Variants in ZNF707 observed in about 807,000 individuals in gnomAD.
ZNF707 encodes the protein zinc finger protein 707.
Under a neutral mutation model 13.3 loss-of-function variants are expected in ZNF707, and 8 were observed. The ratio of observed to expected loss-of-function variants is 0.60; its 90% CI spans 0.35 to 1.09. The LOEUF is 1.09. ZNF707 is among the 50% of genes least tolerant of loss of function. ZNF707 has a pLI of 0.02. For synonymous variants in ZNF707, 225 were observed against 205.6 expected (o/e 1.09, Z -0.81); for missense variants, 530 against 512.6 (o/e 1.03, Z -0.33).
intron 1 of ZNF707, among the ~76,000 whole-genome samples, chr8:143,686,492 A>G (rs1399861072): frequency 6.6e-6 from 1 of 152,206 alleles, no homozygotes; most frequent in Admixed American, 6.5e-5. Flanking sequence ...ATGTTTTTAT[A>G]GACCGTTGTA....
At position 143,694,212 on chromosome 8, in the gene ZNF707, G is replaced by A; in HGVS notation, c.798G>A (p.Gly266=). The A allele has an allele frequency of 4.4e-6, 7 of 1,580,178 alleles. No individual in the cohort carries two copies. The highest frequency in any genetic ancestry group is 6.0e-6 in the Non-Finnish European group (7 of 1,163,730). Reference sequence around the variant, plus strand: ...GGCCCTACTCGTGTGGCGACTGTGGGAAAGCCTTCAAGCAGAAGTCCAACC... The same window carrying A: ...GGCCCTACTCGTGTGGCGACTGTGGAAAAGCCTTCAAGCAGAAGTCCAACC... The part of the protein sequence containing the change: ...EHRPYSCGDC[G]KAFKQKSNLL... The change falls in exon 6 of 6, where the codon GGG becomes GGA. Residue 266 remains glycine (G), a synonymous_variant. Coordinates refer to ENST00000358656, the MANE Select transcript of ZNF707 (RefSeq NM_001100598.2). This position sits in a 1 kb window ranked among gnomAD's most constrained non-coding sequence, Gnocchi z 4.4.
At chr8:143,690,664 C>T (rs565766748) in intron 3 of ZNF707, among the ~76,000 whole-genome samples, 2 of 152,324 alleles carry the variant, frequency 1.3e-5, no homozygotes, top group South Asian at 2.1e-4. Flanking sequence ...CTAGAGCTAC[C>T]GTAACCAAAC....
intron 5 of ZNF707, chr8:143,692,231 A>G (rs1267659894): frequency 3.9e-6 from 5 of 1,290,502 alleles, no homozygotes; most frequent in Non-Finnish European, 5.1e-6. Flanking sequence ...TTTGCTTTTT[A>G]CTTACATTTT....
In ZNF707 at chr8:143,694,955, G is replaced by A. The variant is rs554138157; in HGVS notation, c.*425G>A. On this transcript the variant is annotated 3_prime_UTR_variant, in exon 6 of 6. Coordinates refer to ENST00000358656, the MANE Select transcript of ZNF707 (RefSeq NM_001100598.2). The surrounding 1 kb of genome is among the most constrained non-coding windows in gnomAD (Gnocchi z 4.4). Reference sequence around the variant, plus strand: ...GCTCTGCACCCCATGCTGGCTGCCCGGTCTGGCTTCCCTTCTTGTCTCTGT... The same window carrying A: ...GCTCTGCACCCCATGCTGGCTGCCCAGTCTGGCTTCCCTTCTTGTCTCTGT... 95 of 182,150 alleles carry A rather than the reference G, an allele frequency of 5.2e-4. No homozygotes were observed. Among genetic ancestry groups the A allele is most frequent in the African/African-American group, 1.9e-3 (82 of 42,486 alleles). The allele number at this position is 182,150 out of a possible 1,614,324, so 11.3% of individuals were successfully genotyped here. A position where few individuals can be genotyped will look rare whatever the true frequency, so the allele number is the denominator to read the frequency against.
At position 143,693,902 on chromosome 8, in the gene ZNF707, G is replaced by T. The variant is rs552088858; in HGVS notation, c.488G>T (p.Arg163Leu). The T allele has an allele frequency of 3.4e-4, 553 of 1,605,080 alleles. 8 individuals carry two copies. In the South Asian group the frequency reaches 5.7e-3, roughly 17 times the overall value. The stretch of plus-strand genomic sequence containing the variant: ...CAGCGTTGTGGGCGGCGGCCGGGCC[G>T]CAGAGAGCGCCGGAAGCAGCGCGCA... ...LTQRCGRRPG[R>L]RERRKQRAVE... Residue 163 changes from arginine to leucine, a missense_variant, in exon 6 of 6, where the codon CGC becomes CTC. Physicochemically the swap from Arg to Leu is moderately radical, Grantham distance 102. Coordinates refer to ENST00000358656, the MANE Select transcript of ZNF707 (RefSeq NM_001100598.2). This position sits in a 1 kb window ranked among gnomAD's most constrained non-coding sequence, Gnocchi z 4.1.
rs1188132399 is a variant in ZNF707 at position 143,693,333 on chromosome 8, T to C, written c.257-338T>C. On this transcript the variant is annotated intron_variant, in intron 5 of 5. Coordinates refer to ENST00000358656, the MANE Select transcript of ZNF707 (RefSeq NM_001100598.2). This position sits in a 1 kb window ranked among gnomAD's most constrained non-coding sequence, Gnocchi z 4.1. ...TCTCGCTCTGTCGCCCAGGCTGGAC[T>C]GCGGACTGCAGTGGCGCAATCTCGG... 1.9e-4 allele frequency among the ~76,000 whole-genome samples: 29 copies of C among 151,532 alleles called. No homozygotes were observed. Among genetic ancestry groups the C allele is most frequent in the African/African-American group, 7.0e-4 (29 of 41,308 alleles).
intron 2 of ZNF707, among the ~76,000 whole-genome samples, 194 bp downstream of exon 2, chr8:143,689,495 C>G (rs1007206798): frequency 1.3e-5 from 2 of 152,062 alleles, no homozygotes; most frequent in African/African-American, 4.8e-5. Flanking sequence ...TCTCAGCGGG[C>G]TGGGGCCCTA....
rs782568003 is a variant in ZNF707 at position 143,693,653 on chromosome 8, T to C, written c.257-18T>C. ...GTGGGCCACTGGCTCTGTGTAAGGG[T>C]GTCTGTTCCTTCCACAGGGGCAAGG... is the stretch of plus-strand genomic sequence containing the variant. On this transcript the variant is annotated intron_variant, in intron 5 of 5. Transcript: ENST00000358656. This position sits in a 1 kb window ranked among gnomAD's most constrained non-coding sequence, Gnocchi z 4.1. 1 of 1,554,882 alleles carries C rather than the reference T, an allele frequency of 6.4e-7. No homozygotes were observed. The highest frequency in any genetic ancestry group is 1.4e-5 in the African/African-American group (1 of 73,366).
chr8:143,686,263 G>A (rs983430736), intron 1 of ZNF707, among the ~76,000 whole-genome samples: 10 of 151,540 alleles, frequency 6.6e-5, no homozygotes, highest in African/African-American at 2.4e-4. Flanking sequence ...GTAGAGATGG[G>A]GTTTCACCAT....
At chr8:143,692,177 C>T (rs979158307) in intron 5 of ZNF707, 10 of 1,294,702 alleles carry the variant, frequency 7.7e-6, no homozygotes, top group Middle Eastern at 2.1e-4. Flanking sequence ...CCATGCTTCC[C>T]TCCATTAGGT....
chr8:143,690,049 C>T lies in ZNF707; in HGVS notation c.-52-8C>T. The T allele has an allele frequency of 6.2e-7, 1 of 1,606,772 alleles. No homozygotes were observed. Among genetic ancestry groups the T allele is most frequent in the South Asian group, 1.1e-5 (1 of 90,956 alleles). ...GGCTATACCCGCTTACATTTCTTGT[C>T]TCCCCAGATCTGCCCTCCTTGGCAC... On this transcript the variant is annotated splice_region_variant and splice_polypyrimidine_tract_variant and intron_variant, in intron 2 of 5. Coordinates refer to ENST00000358656, the MANE Select transcript of ZNF707 (RefSeq NM_001100598.2).
chr8:143,694,648 T>C lies in ZNF707; in HGVS notation c.*118T>C, dbSNP rs542787194. ...CAACCTGAATTCAGAGAAGCCTTCT[T>C]AGTCCTCAGAGCTCCCCAGTCCCCC... On this transcript the variant is annotated 3_prime_UTR_variant, in exon 6 of 6. Coordinates refer to ENST00000358656, the MANE Select transcript of ZNF707 (RefSeq NM_001100598.2). This position sits in a 1 kb window ranked among gnomAD's most constrained non-coding sequence, Gnocchi z 4.4. The C allele has an allele frequency of 8.3e-7, 1 of 1,199,228 alleles. No individual in the cohort carries two copies. 74.3% of individuals were successfully genotyped at this position (1,199,228 alleles called of 1,614,324 possible). A position where few individuals can be genotyped will look rare whatever the true frequency, so the allele number is the denominator to read the frequency against.
chr8:143,692,275 C>T, intron 5 of ZNF707: 1 of 1,289,920 alleles, frequency 7.8e-7, no homozygotes, highest in South Asian at 1.2e-5. Flanking sequence ...TGAACACGAG[C>T]CCTGGGAGGT....
In ZNF707 at chr8:143,694,093, A is replaced by G; in HGVS notation, c.679A>G (p.Thr227Ala). 1 of 1,606,056 alleles carries G rather than the reference A, an allele frequency of 6.2e-7. No homozygotes were observed. The highest frequency in any genetic ancestry group is 8.5e-7 in the Non-Finnish European group (1 of 1,177,470). The change falls in exon 6 of 6, where the codon ACG (threonine) becomes GCG (alanine). Residue 227 changes from threonine to alanine, a missense_variant. By Grantham distance (58) the Thr-to-Ala change is moderately conservative. Coordinates refer to ENST00000358656, the MANE Select transcript of ZNF707 (RefSeq NM_001100598.2). The surrounding 1 kb of genome is among the most constrained non-coding windows in gnomAD (Gnocchi z 4.4). Reference protein sequence around the residue: ...SNLQRHQKNHTREKPFCCEAC... With the variant: ...SNLQRHQKNHAREKPFCCEAC... ...CCTGCAGCGCCACCAGAAGAACCAC[A>G]CGCGCGAGAAGCCCTTCTGCTGCGA...
In ZNF707 at chr8:143,693,315, C is replaced by T. The variant is rs1161906873; in HGVS notation, c.257-356C>T. ...TTTTTTTTTGAGACGGAGTCTCGCT[C>T]TGTCGCCCAGGCTGGACTGCGGACT... On this transcript the variant is annotated intron_variant, in intron 5 of 5. Coordinates refer to ENST00000358656, the MANE Select transcript of ZNF707 (RefSeq NM_001100598.2). This position sits in a 1 kb window ranked among gnomAD's most constrained non-coding sequence, Gnocchi z 4.1. Among the ~76,000 whole-genome samples, 3 of 151,010 alleles carry T rather than the reference C, an allele frequency of 2.0e-5. No individual in the cohort carries two copies. Among genetic ancestry groups the T allele is most frequent in the Non-Finnish European group, 4.4e-5 (3 of 67,754 alleles).
At position 143,691,587 on chromosome 8, in the gene ZNF707, C is replaced by T; in HGVS notation, c.143-13C>T. 1.3e-6 allele frequency: 2 copies of T among 1,592,060 alleles called. No individual in the cohort carries two copies. Among genetic ancestry groups the T allele is most frequent in the Non-Finnish European group, 1.7e-6 (2 of 1,169,334 alleles). ...GTACAAGTAAAACAGAAACTTTTCTCTCCTTTGAGAAGGATTTTGCAGCCC... is the reference window on the plus strand; with the variant it reads ...GTACAAGTAAAACAGAAACTTTTCTTTCCTTTGAGAAGGATTTTGCAGCCC... On this transcript the variant is annotated splice_polypyrimidine_tract_variant and intron_variant, in intron 4 of 5. Coordinates refer to ENST00000358656, the MANE Select transcript of ZNF707 (RefSeq NM_001100598.2).
At chr8:143,690,455 C>T (rs782297730) in intron 3 of ZNF707, 63 of 293,594 alleles carry the variant, frequency 2.1e-4, no homozygotes, top group Non-Finnish European at 3.6e-4. Context: ...CCCAGCTACT[C>T]GGGAGGCTGA....
At chr8:143,689,923 A>G (rs1179662354) in intron 2 of ZNF707, 134 bp from the exon 3 acceptor site, 1 of 674,358 alleles carries the variant, frequency 1.5e-6, no homozygotes, top group African/African-American at 1.8e-5. Flanking sequence ...CAGTAGTTAC[A>G]GAGCAGACCC....
At chr8:143,692,067 G>T (rs1554613822) in intron 5 of ZNF707, 1 of 1,357,582 alleles carries the variant, frequency 7.4e-7, no homozygotes, top group Non-Finnish European at 9.7e-7. Context: ...TGGCCATGTG[G>T]GGTCCCAGGC....
Sources: allele counts gnomAD v4.1 joint callset (sites outside exome capture counted in the v4.1 genomes callset), GRCh38; gene constraint gnomAD v4.1.1; non-coding constraint Gnocchi (gnomAD v3.1); transcripts MANE v1.5; gene names NCBI Gene and HGNC (gene_info 2026-07-23, HGNC 2026-07-21).